The following ARAP2 variants were observed in gnomAD, a reference collection of about 807,000 sequenced individuals.
ARAP2 encodes ArfGAP with RhoGAP domain, ankyrin repeat and PH domain 2.
Under a neutral mutation model 194.5 loss-of-function variants are expected in ARAP2, and 148 were observed. The ratio of observed to expected loss-of-function variants is 0.76; its 90% CI spans 0.67 to 0.87. The LOEUF is 0.87. Among genes scored for constraint, ARAP2 ranks in the 40% least tolerant of loss-of-function variants. The pLI is 0.00. For missense variants in ARAP2, 2,128 were observed against 1,989.7 expected (o/e 1.07, Z -1.32); for synonymous variants, 695 against 683.5 (o/e 1.02, Z -0.26).
At chr4:36,009,387 C>T (rs1376213948) in intron 9 of ARAP2, among the ~76,000 whole-genome samples, 5 of 152,002 alleles carry the variant, frequency 3.3e-5, no homozygotes, top group Non-Finnish European at 7.4e-5. Context: ...GTCTTTTGCA[C>T]CAACATATAG....
At chr4:36,071,070 C>G (rs1726751830) in intron 32 of ARAP2, among the ~76,000 whole-genome samples, 1 of 152,110 alleles carries the variant, frequency 6.6e-6, no homozygotes, top group South Asian at 2.1e-4. Context: ...ACTGCATCAT[C>G]ATTCTTTGCT....
At chr4:36,101,270 A>G (rs1716844815) in intron 27 of ARAP2, among the ~76,000 whole-genome samples, 1 of 151,982 alleles carries the variant, frequency 6.6e-6, no homozygotes, top group South Asian at 2.1e-4. Flanking sequence ...GGAAGACTGT[A>G]TTGAAGTAGC....
intron 1 of ARAP2, among the ~76,000 whole-genome samples, chr4:36,061,000 G>A (rs1724333545): frequency 6.6e-6 from 1 of 152,072 alleles, no homozygotes; most frequent in Admixed American, 6.6e-5. Flanking sequence ...GTGGTAATCT[G>A]CTTTATTAGT....
At chr4:36,185,145 G>A (rs1222668669) in intron 8 of ARAP2, among the ~76,000 whole-genome samples, 1 of 152,164 alleles carries the variant, frequency 6.6e-6, no homozygotes, top group Non-Finnish European at 1.5e-5. Context: ...AATGACAATG[G>A]TTGTTATCTA....
In ARAP2 at chr4:36,228,721, C is replaced by A. The variant is rs747751456; in HGVS notation, c.766G>T (p.Asp256Tyr). ...ATTGGTGATGATGGAACATACAAGT[C>A]ATTTACAATCATTTCTCCTTGAAAC... ...FKFQGEMIVN[D>Y]LYVPSSPILA... The change falls in exon 2 of 33, where the codon GAC becomes TAC. Residue 256 changes from aspartate (D) to tyrosine (Y), a missense_variant. By Grantham distance (160) the Asp-to-Tyr change is radical. Coordinates refer to ENST00000303965, the MANE Select transcript of ARAP2 (RefSeq NM_015230.4). The A allele has an allele frequency of 1.2e-6, 2 of 1,614,036 alleles. No individual in the cohort carries two copies. Among genetic ancestry groups the A allele is most frequent in the Non-Finnish European group, 1.7e-6 (2 of 1,179,982 alleles).
chr4:36,081,149 G>A (rs752813950), intron 30 of ARAP2, among the ~76,000 whole-genome samples: 5 of 151,964 alleles, frequency 3.3e-5, no homozygotes, highest in Non-Finnish European at 7.4e-5. Flanking sequence ...CTATTACCAT[G>A]TCCAGGCCAC....
At chr4:36,137,126 C>A (rs577559515) in intron 19 of ARAP2, among the ~76,000 whole-genome samples, 7 of 151,758 alleles carry the variant, frequency 4.6e-5, no homozygotes, top group African/African-American at 1.7e-4. Context: ...TCTTAAAATA[C>A]GTATGCATTA....
At chr4:36,082,956 C>T (rs1020368443) in intron 29 of ARAP2, among the ~76,000 whole-genome samples, 1 of 152,096 alleles carries the variant, frequency 6.6e-6, no homozygotes, top group African/African-American at 2.4e-5. Context: ...AGAACCAAAA[C>T]ATTGTAGAAG....
intron 32 of ARAP2, among the ~76,000 whole-genome samples, chr4:36,068,634 A>G (rs1726084282): frequency 6.6e-6 from 1 of 152,162 alleles, no homozygotes; most frequent in Admixed American, 6.5e-5. Context: ...GGCAGTGGCA[A>G]TGAGCTGCAG....
downstream of ARAP2, chr4:36,065,384 C>A (rs900919115): frequency 2.7e-5 from 14 of 522,878 alleles, no homozygotes; most frequent in Admixed American, 2.7e-4. Flanking sequence ...AGTGCCAGGG[C>A]CCCAGGAATG....
In ARAP2 at chr4:36,084,931, T is replaced by C. The variant is rs1267110234; in HGVS notation, c.4426-1481A>G. Among the ~76,000 whole-genome samples, 5 of 152,064 alleles carry C rather than the reference T, an allele frequency of 3.3e-5. No individual in the cohort carries two copies. The South Asian group carries it at 6.2e-4, about 19-fold the overall frequency. ...TTCTAGGAATTTAACCACTGAGTCA[T>C]AGGCTAAGAATATGATTCAGAAAAA... On this transcript the variant is annotated intron_variant, in intron 28 of 32. Coordinates refer to ENST00000303965, the MANE Select transcript of ARAP2 (RefSeq NM_015230.4).
At chr4:36,242,449 A>C (rs1039663727) in intron 1 of ARAP2, among the ~76,000 whole-genome samples, 5 of 152,216 alleles carry the variant, frequency 3.3e-5, no homozygotes, top group African/African-American at 1.2e-4. Context: ...GTGGGTTAGA[A>C]AGTAACAAAA....
At chr4:36,048,754 T>G (rs924394727) in intron 3 of ARAP2, among the ~76,000 whole-genome samples, 1 of 152,134 alleles carries the variant, frequency 6.6e-6, no homozygotes, top group African/African-American at 2.4e-5. Flanking sequence ...TGAATGGTAC[T>G]TTTAAGTTTT....
At chr4:36,046,181 TTC>T (rs146670949) in intron 4 of ARAP2, 48 of 151,830 alleles carry the variant, frequency 3.2e-4, no homozygotes, top group Non-Finnish European at 5.3e-4. Flanking sequence ...CTGACCAGTA[TTC>T]TCTCTCTCTC....
intron 25 of ARAP2, among the ~76,000 whole-genome samples, chr4:36,116,612 T>C (rs891957712): frequency 1.3e-5 from 2 of 151,856 alleles, no homozygotes; most frequent in Non-Finnish European, 2.9e-5. Flanking sequence ...ATAACAGCAC[T>C]AGTAGTAATA....
chr4:36,170,170 C>G (rs527416460), intron 9 of ARAP2, among the ~76,000 whole-genome samples: 2 of 152,086 alleles, frequency 1.3e-5, no homozygotes, highest in African/African-American at 4.8e-5. Flanking sequence ...TTTCCAAAAA[C>G]AAAAGTACAA....
At chr4:36,240,153 T>G (rs1753244599) in intron 1 of ARAP2, among the ~76,000 whole-genome samples, 1 of 152,164 alleles carries the variant, frequency 6.6e-6, no homozygotes. Flanking sequence ...AAGTAAAAAT[T>G]TAAGATATAT....
At chr4:36,214,561 TTA>T in intron 2 of ARAP2, 81 bp from the exon 3 acceptor site, 1 of 873,482 alleles carries the variant, frequency 1.1e-6, no homozygotes, top group Non-Finnish European at 1.7e-6. Flanking sequence ...TTAGAAAATA[TTA>T]TGAGAAAATA....
At chr4:36,041,772 C>T (rs73123421) in intron 5 of ARAP2, among the ~76,000 whole-genome samples, 3,141 of 152,212 alleles carry the variant, frequency 0.021, 134 homozygotes, top group African/African-American at 0.072. Context: ...TGGAGTCAAC[C>T]TAAATGCCTA....
Sources: gnomAD v4.1 joint callset for allele counts (sites outside exome capture counted in the v4.1 genomes callset) on GRCh38, gnomAD v4.1.1 for gene constraint, MANE v1.5 for transcripts, NCBI Gene and HGNC (gene_info 2026-07-23, HGNC 2026-07-21) for gene names.